The following HMGCLL1 variants were observed in gnomAD, a reference collection of about 807,000 sequenced individuals.
The protein encoded by HMGCLL1 is 3-hydroxy-3-methylglutaryl-CoA lyase like 1, also known as 3-hydroxymethyl-3-methylglutaryl-CoA lyase, cytoplasmic.
HMGCLL1 carries 36 observed loss-of-function variants against 39.1 expected under a neutral mutation model. The observed-to-expected ratio is 0.92, with a 90% confidence interval of 0.71 to 1.22. HMGCLL1 has a LOEUF of 1.22. Among genes scored for constraint, HMGCLL1 ranks in the 50% most tolerant of loss-of-function variants. HMGCLL1 has a pLI of 0.00. For missense variants in HMGCLL1, 451 were observed against 416.5 expected (o/e 1.08, Z -0.72); for synonymous variants, 149 against 144.0 (o/e 1.03, Z -0.25).
At chr6:55,668,540 T>C in the HMGCLL1 span, among the ~76,000 whole-genome samples, 1 of 151,880 alleles carries the variant, frequency 6.6e-6, no homozygotes, top group African/African-American at 2.4e-5. Context: ...TGTACTGGAC[T>C]ATGAGGAGTC....
chr6:55,643,433 G>A, the HMGCLL1 span, among the ~76,000 whole-genome samples: 3 of 151,958 alleles, frequency 2.0e-5, no homozygotes, highest in East Asian at 3.9e-4. Context: ...GATAGACATA[G>A]CATTGAATTT....
At chr6:55,503,042 T>C (rs1346172940) in intron 5 of HMGCLL1, among the ~76,000 whole-genome samples, 1 of 151,804 alleles carries the variant, frequency 6.6e-6, no homozygotes, top group African/African-American at 2.4e-5. Flanking sequence ...ATGTGCTTTA[T>C]AGTTTTTATT....
chr6:55,532,603 C>T (rs1000557709), intron 3 of HMGCLL1, among the ~76,000 whole-genome samples: 1 of 151,832 alleles, frequency 6.6e-6, no homozygotes, highest in Non-Finnish European at 1.5e-5. Flanking sequence ...GAGTTCGAGA[C>T]CAGCCTGGCC....
At chr6:55,600,031 A>G in the HMGCLL1 span, among the ~76,000 whole-genome samples, 1 of 152,162 alleles carries the variant, frequency 6.6e-6, no homozygotes, top group Non-Finnish European at 1.5e-5. Context: ...CTCTTACTTC[A>G]GTGTTTCTTC....
the HMGCLL1 span, among the ~76,000 whole-genome samples, chr6:55,640,293 A>G: frequency 1.3e-5 from 2 of 152,148 alleles, no homozygotes; most frequent in African/African-American, 4.8e-5. Flanking sequence ...GTGCATTAAC[A>G]GGATAACAAG....
At chr6:55,461,976 A>G (rs185894340) in intron 7 of HMGCLL1, among the ~76,000 whole-genome samples, 1 of 152,268 alleles carries the variant, frequency 6.6e-6, no homozygotes, top group East Asian at 1.9e-4. Context: ...GTAGGGTCAT[A>G]TGATTCATTG....
At chr6:55,620,648 CACACAG>C in the HMGCLL1 span, among the ~76,000 whole-genome samples, 1 of 146,814 alleles carries the variant, frequency 6.8e-6, no homozygotes. Flanking sequence ...CACACACAGA[CACACAG>C]ACACACACAC....
At chr6:55,620,806 T>G in the HMGCLL1 span, among the ~76,000 whole-genome samples, 1 of 152,160 alleles carries the variant, frequency 6.6e-6, no homozygotes, top group Non-Finnish European at 1.5e-5. Context: ...GATTTTTATA[T>G]GTATAAAGAA....
upstream of HMGCLL1, among the ~76,000 whole-genome samples, chr6:55,581,338 TATC>T (rs1461103127): frequency 2.0e-5 from 3 of 152,160 alleles, no homozygotes; most frequent in Non-Finnish European, 4.4e-5. Flanking sequence ...TTTTAATTCA[TATC>T]ATATGGAAAA....
chr6:55,456,737 G>T (rs1056378699), intron 7 of HMGCLL1, among the ~76,000 whole-genome samples: 1 of 152,176 alleles, frequency 6.6e-6, no homozygotes, highest in Non-Finnish European at 1.5e-5. Context: ...CATGGTTCCA[G>T]CTCTCTCACA....
the HMGCLL1 span, among the ~76,000 whole-genome samples, chr6:55,587,819 A>C: frequency 1.3e-5 from 2 of 152,170 alleles, no homozygotes; most frequent in African/African-American, 4.8e-5. Flanking sequence ...GCCATCACAT[A>C]ATGGTAAAGG....
chr6:55,635,837 T>C, the HMGCLL1 span, among the ~76,000 whole-genome samples: 1 of 152,226 alleles, frequency 6.6e-6, no homozygotes, highest in African/African-American at 2.4e-5. Flanking sequence ...AATAGTGACA[T>C]TGAATAAAAA....
At chr6:55,445,714 T>A (rs759134458) in intron 7 of HMGCLL1, among the ~76,000 whole-genome samples, 38 of 152,104 alleles carry the variant, frequency 2.5e-4, no homozygotes, top group Non-Finnish European at 4.9e-4. Flanking sequence ...AGCACAAACT[T>A]ATGTTTGCAC....
At chr6:55,616,641 A>ATTG in the HMGCLL1 span, among the ~76,000 whole-genome samples, 3 of 152,144 alleles carry the variant, frequency 2.0e-5, no homozygotes, top group East Asian at 5.8e-4. Context: ...ATTGAACATA[A>ATTG]AATTTCCCAC....
At chr6:55,644,535 C>T in the HMGCLL1 span, among the ~76,000 whole-genome samples, 2 of 151,950 alleles carry the variant, frequency 1.3e-5, 1 homozygote, top group African/African-American at 4.8e-5. Flanking sequence ...TTTGAGGTTT[C>T]AGATTTATGT....
intron 5 of HMGCLL1, among the ~76,000 whole-genome samples, chr6:55,504,601 T>C: frequency 6.6e-6 from 1 of 151,708 alleles, no homozygotes; most frequent in Non-Finnish European, 1.5e-5. Flanking sequence ...ATCTCTAGAT[T>C]ACTTATAATA....
the HMGCLL1 span, among the ~76,000 whole-genome samples, chr6:55,647,226 C>T: frequency 6.6e-6 from 1 of 151,670 alleles, no homozygotes; most frequent in Non-Finnish European, 1.5e-5. Flanking sequence ...TAATCCTGCC[C>T]TTTTTGGTTT....
At chr6:55,563,881 C>T (rs1317470980) in intron 1 of HMGCLL1, 3 of 1,287,994 alleles carry the variant, frequency 2.3e-6, no homozygotes, top group South Asian at 2.5e-5. Context: ...CTGAGAGGTC[C>T]ATGGTGCAGC....
chr6:55,514,309 C>A (rs374617575), intron 4 of HMGCLL1, 113 bp from the exon 5 acceptor site: 13 of 722,934 alleles, frequency 1.8e-5, no homozygotes, highest in East Asian at 1.4e-4. Context: ...TTAATATTTG[C>A]CTTAGAATTT....
Sources: allele counts gnomAD v4.1 joint callset (sites outside exome capture counted in the v4.1 genomes callset), GRCh38; gene constraint gnomAD v4.1.1; transcripts MANE v1.5; gene names NCBI Gene and HGNC (gene_info 2026-07-23, HGNC 2026-07-21).